Variants in SAMSN1 observed in about 807,000 individuals in gnomAD.
SAMSN1 encodes the protein SAM domain-containing protein SAMSN-1.
SAMSN1 carries 31 observed loss-of-function variants against 42.0 expected under a neutral mutation model. That is an observed-to-expected ratio of 0.74 (90% confidence interval 0.55 to 1.00). The LOEUF (loss-of-function observed/expected upper bound fraction) is 1.00. Ranked by LOEUF, SAMSN1 falls within the 50% of genes least tolerant of loss-of-function variation. The pLI is 0.00. For missense variants in SAMSN1, 464 were observed against 439.4 expected (o/e 1.06, Z -0.50); for synonymous variants, 178 against 151.9 (o/e 1.17, Z -1.26).
At position 14,500,544 on chromosome 21, in the gene SAMSN1, C is replaced by T. The variant is rs937282065; in HGVS notation, c.753G>A (p.Glu251=). 5 of 1,613,898 alleles carry T rather than the reference C, an allele frequency of 3.1e-6. No homozygotes were observed. The African/African-American group carries it at 5.3e-5, about 17-fold the overall frequency. ...KKSKTLQEFL[E]RIHLQEYTST... is the part of the protein sequence containing the mutation. ...ATTTGCTCACCTGCAGATGAATCCT[C>T]TCTAGGAACTCCTGCAGAGTCTTGG... The change falls in exon 6 of 8, where the codon GAG becomes GAA. Residue 251 remains glutamate, a synonymous_variant. Transcript: ENST00000400566.
intron 2 of SAMSN1, among the ~76,000 whole-genome samples, chr21:14,562,528 C>T (rs1017337082): frequency 6.7e-6 from 1 of 149,500 alleles, no homozygotes; most frequent in African/African-American, 2.4e-5. Context: ...ACTATCTATA[C>T]TATATATATT....
At chr21:14,535,534 C>T (rs1448123775) in intron 1 of SAMSN1, among the ~76,000 whole-genome samples, 1 of 152,074 alleles carries the variant, frequency 6.6e-6, no homozygotes, top group Non-Finnish European at 1.5e-5. Context: ...GAATTGACTC[C>T]CACAAATTCG....
intron 1 of SAMSN1, chr21:14,643,192 G>C: frequency 1.4e-6 from 1 of 702,928 alleles, no homozygotes; most frequent in Non-Finnish European, 2.6e-6. Flanking sequence ...CCTTTAAAAG[G>C]TACCTAATTT....
At chr21:14,578,707 AC>A (rs11366713) in intron 2 of SAMSN1, among the ~76,000 whole-genome samples, 137,382 of 137,562 alleles carry the variant, frequency 1, 68,601 homozygotes, top group Middle Eastern at 1. Context: ...AAAAAAAAAG[AC>A]CCCAAGATTG....
At chr21:14,545,352 T>TA (rs1399068148) in intron 1 of SAMSN1, among the ~76,000 whole-genome samples, 1 of 151,930 alleles carries the variant, frequency 6.6e-6, no homozygotes, top group Non-Finnish European at 1.5e-5. Context: ...AATCAATCCT[T>TA]AAAAAAAATC....
intron 1 of SAMSN1, among the ~76,000 whole-genome samples, chr21:14,540,553 C>T (rs1979948692): frequency 6.6e-6 from 1 of 152,142 alleles, no homozygotes; most frequent in Non-Finnish European, 1.5e-5. Context: ...CACTGGCCAT[C>T]AGAGAAATGC....
At chr21:14,577,263 TATATATATATATATATATATA>T (rs1265656149) in intron 2 of SAMSN1, among the ~76,000 whole-genome samples, 42 of 46,380 alleles carry the variant, frequency 9.1e-4, no homozygotes, top group South Asian at 3.4e-3. Context: ...TATATATATA[TATATATATATATATATATATA>T]TTTTTTTTTT....
At chr21:14,509,824 C>T (rs763241803) in intron 5 of SAMSN1, among the ~76,000 whole-genome samples, 19 of 152,154 alleles carry the variant, frequency 1.2e-4, no homozygotes, top group Non-Finnish European at 2.5e-4. Flanking sequence ...ACCCCGACTC[C>T]ACCTCACATA....
At chr21:14,486,140 G>A (rs773730890) in intron 7 of SAMSN1, 26 bp from the exon 8 acceptor site, 7 of 1,530,842 alleles carry the variant, frequency 4.6e-6, no homozygotes, top group Middle Eastern at 1.7e-4. Flanking sequence ...AAGGGCAGGA[G>A]TTAGGTAAAG....
chr21:14,633,202 C>T (rs756558352), intron 2 of SAMSN1, among the ~76,000 whole-genome samples: 35 of 152,122 alleles, frequency 2.3e-4, no homozygotes, highest in Non-Finnish European at 4.7e-4. Flanking sequence ...TCTCTACACA[C>T]ACACACATAC....
intron 2 of SAMSN1, among the ~76,000 whole-genome samples, chr21:14,616,201 G>A (rs1469749646): frequency 1.3e-5 from 2 of 151,916 alleles, no homozygotes; most frequent in African/African-American, 4.8e-5. Flanking sequence ...TGTCACAGAA[G>A]TTTGGCTCAC....
At chr21:14,503,929 A>G (rs1987286724) in intron 5 of SAMSN1, among the ~76,000 whole-genome samples, 1 of 152,116 alleles carries the variant, frequency 6.6e-6, no homozygotes, top group Admixed American at 6.5e-5. Context: ...ACATCATAAG[A>G]CTCTGTGCAG....
intron 2 of SAMSN1, among the ~76,000 whole-genome samples, chr21:14,520,639 A>G (rs1198936054): frequency 6.6e-6 from 1 of 152,184 alleles, no homozygotes; most frequent in African/African-American, 2.4e-5. Flanking sequence ...TCGAGCCTAA[A>G]ACAGCTTGAA....
Position 14,494,708 on chromosome 21 carries a change from C to CAA in SAMSN1, c.919+3732_919+3733dup, listed in dbSNP as rs113601795. 6.4e-3 allele frequency among the ~76,000 whole-genome samples: 685 copies of CAA among 107,712 alleles called. 5 individuals carry two copies. Among genetic ancestry groups the CAA allele is most frequent in the African/African-American group, 0.022 (634 of 29,074 alleles). 70.7% of individuals were successfully genotyped at this position (107,712 alleles called of 152,430 possible). On this transcript the variant is annotated intron_variant, in intron 7 of 7. Transcript: ENST00000400566. ...GTATCCCAGAACTTAAAGTACAATA[C>CAA]AAAAAAAAAAAAAAGTGTAATCCAG...
chr21:14,625,179 TG>T (rs1983131996), intron 2 of SAMSN1, among the ~76,000 whole-genome samples: 2 of 152,108 alleles, frequency 1.3e-5, no homozygotes, highest in African/African-American at 4.8e-5. Context: ...TCATACTGAA[TG>T]GGCAAAAACT....
intron 7 of SAMSN1, among the ~76,000 whole-genome samples, chr21:14,589,799 T>G (rs1191030915): frequency 2.6e-5 from 4 of 152,142 alleles, no homozygotes; most frequent in African/African-American, 4.8e-5. Context: ...AGAAAACCCT[T>G]TGTTTTTGCT....
intron 2 of SAMSN1, among the ~76,000 whole-genome samples, chr21:14,564,475 A>G (rs1211658678): frequency 6.6e-6 from 1 of 152,174 alleles, no homozygotes; most frequent in African/African-American, 2.4e-5. Context: ...GTGGTACAAA[A>G]CAGCTAACTC....
chr21:14,573,115 A>G (rs1981352174), intron 2 of SAMSN1, among the ~76,000 whole-genome samples: 1 of 152,200 alleles, frequency 6.6e-6, no homozygotes, highest in African/African-American at 2.4e-5. Flanking sequence ...CAAAGGCATG[A>G]ACCACTCAAG....
In SAMSN1 at chr21:14,557,469, T is replaced by C. The variant is rs369063192; in HGVS notation, c.261+24667A>G. On this transcript the variant is annotated intron_variant, in intron 2 of 8. Coordinates refer to the SAMSN1 transcript ENST00000285670. Reference sequence around the variant, plus strand: ...TACTTCTTCTAGGACGTGGTCATAGTGTGACCCAGGTTCCTGGGAACATGT... The same window carrying C: ...TACTTCTTCTAGGACGTGGTCATAGCGTGACCCAGGTTCCTGGGAACATGT... Among the ~76,000 whole-genome samples the C allele has an allele frequency of 3.2e-4, 49 of 152,294 alleles. 2 individuals carry two copies. The East Asian group carries it at 8.7e-3, about 27-fold the overall frequency.
Sources: allele counts gnomAD v4.1 joint callset (sites outside exome capture counted in the v4.1 genomes callset), GRCh38; gene constraint gnomAD v4.1.1; transcripts MANE v1.5; gene names NCBI Gene and HGNC (gene_info 2026-07-23, HGNC 2026-07-21).